Variants in CYSLTR2 observed in about 807,000 individuals in gnomAD.
CYSLTR2 encodes cysteinyl leukotriene receptor 2.
For missense variants in CYSLTR2, 398 were observed against 411.9 expected (o/e 0.97, Z 0.29); for synonymous variants, 179 against 160.8 (o/e 1.11, Z -0.86).
intron 1 of CYSLTR2, among the ~76,000 whole-genome samples, chr13:48,670,117 A>C (rs1953382591): frequency 6.6e-6 from 1 of 152,038 alleles, no homozygotes; most frequent in African/African-American, 2.4e-5. Context: ...CCACTTTTTG[A>C]TGGGGTTTTT....
intron 3 of CYSLTR2, among the ~76,000 whole-genome samples, chr13:48,693,947 C>T (rs1954100288): frequency 6.6e-6 from 1 of 152,180 alleles, no homozygotes; most frequent in South Asian, 2.1e-4. Context: ...TCCAGATTGT[C>T]CTTGGTGAAA....
At chr13:48,687,148 C>G (rs370676865) in intron 1 of CYSLTR2, among the ~76,000 whole-genome samples, 81 of 152,208 alleles carry the variant, frequency 5.3e-4, no homozygotes, top group Non-Finnish European at 7.4e-4. Flanking sequence ...GGGCTTTCAC[C>G]AGTGGGCCCC....
At chr13:48,705,955 T>C (rs1239827933) in intron 4 of CYSLTR2, among the ~76,000 whole-genome samples, 1 of 151,208 alleles carries the variant, frequency 6.6e-6, no homozygotes, top group Non-Finnish European at 1.5e-5. Flanking sequence ...AGAACTTCCT[T>C]TAGTCATTCT....
intron 4 of CYSLTR2, among the ~76,000 whole-genome samples, chr13:48,704,245 C>G (rs1329502889): frequency 6.6e-6 from 1 of 152,072 alleles, no homozygotes; most frequent in African/African-American, 2.4e-5. Flanking sequence ...AGTTACCTGG[C>G]CAGGCATGGT....
intron 4 of CYSLTR2, among the ~76,000 whole-genome samples, chr13:48,701,630 C>T (rs1954349457): frequency 6.6e-6 from 1 of 152,186 alleles, no homozygotes; most frequent in Admixed American, 6.5e-5. Flanking sequence ...CAAAAGAAGA[C>T]ATTTATGCAA....
At chr13:48,695,224 G>A (rs552911482) in intron 3 of CYSLTR2, among the ~76,000 whole-genome samples, 24 of 151,356 alleles carry the variant, frequency 1.6e-4, no homozygotes, top group Admixed American at 4.6e-4. Flanking sequence ...ACAGGCATGC[G>A]CCACCACGCC....
rs935989413 is a variant in CYSLTR2, at chr13:48,710,995, A to G, written c.*3137A>G. 2.0e-5 allele frequency: 3 copies of G among 152,168 alleles called. No homozygotes were observed. Among genetic ancestry groups the G allele is most frequent in the Non-Finnish European group, 4.4e-5 (3 of 68,032 alleles). 9.4% of individuals were successfully genotyped at this position (152,168 alleles called of 1,614,324 possible). The stretch of plus-strand genomic sequence containing the variant: ...CATATTCTATCACAGAAAATGCATA[A>G]TAACTAAATCTGGAAAATGATGAAT... On this transcript the variant is annotated 3_prime_UTR_variant, in exon 5 of 5. Transcript: ENST00000682523.
intron 1 of CYSLTR2, among the ~76,000 whole-genome samples, chr13:48,664,489 A>G (rs1419260159): frequency 6.6e-6 from 1 of 151,800 alleles, no homozygotes; most frequent in African/African-American, 2.4e-5. Flanking sequence ...TTTATTACTG[A>G]TTCAATCTTA....
chr13:48,697,822 A>T (rs925649803), intron 4 of CYSLTR2, among the ~76,000 whole-genome samples: 2 of 152,194 alleles, frequency 1.3e-5, no homozygotes, highest in African/African-American at 4.8e-5. Flanking sequence ...GAAGTCCTTA[A>T]ATGACCTGAT....
chr13:48,673,489 A>C (rs1361996320), intron 1 of CYSLTR2, among the ~76,000 whole-genome samples: 3 of 98,504 alleles, frequency 3.0e-5, no homozygotes, highest in African/African-American at 1.3e-4. Context: ...ATATTCCTTC[A>C]TCCCTTTAGT....
At chr13:48,662,092 T>C (rs1317230790) in intron 1 of CYSLTR2, among the ~76,000 whole-genome samples, 2 of 152,212 alleles carry the variant, frequency 1.3e-5, no homozygotes, top group Admixed American at 1.3e-4. Context: ...AGTGAGAACA[T>C]ATGGTGTTTG....
In CYSLTR2 at chr13:48,707,160, T is replaced by A; in HGVS notation, c.343T>A (p.Ser115Thr). 6.2e-7 allele frequency: 1 copy of A among 1,614,168 alleles called. No homozygotes were observed. The highest frequency in any genetic ancestry group is 8.5e-7 in the Non-Finnish European group (1 of 1,180,006). ...IFGDLACRIM[S>T]YSLYVNMYSS... ...TGGAGACCTGGCCTGCAGGATTATG[T>A]CTTATTCCTTGTATGTCAACATGTA... The change falls in exon 5 of 5, where the codon TCT becomes ACT. Residue 115 changes from serine to threonine, a missense_variant. Coordinates refer to ENST00000682523, the MANE Select transcript of CYSLTR2 (RefSeq NM_001308476.3).
At chr13:48,700,706 AG>A (rs1403139770) in intron 4 of CYSLTR2, among the ~76,000 whole-genome samples, 3 of 152,350 alleles carry the variant, frequency 2.0e-5, no homozygotes, top group African/African-American at 4.8e-5. Context: ...GTATTAAATT[AG>A]GAAAAGAGGA....
chr13:48,685,785 C>T (rs529013930), intron 1 of CYSLTR2, among the ~76,000 whole-genome samples: 2 of 152,202 alleles, frequency 1.3e-5, no homozygotes, highest in South Asian at 2.1e-4. Context: ...ATCATCATTC[C>T]CCCAAGTCTG....
intron 1 of CYSLTR2, among the ~76,000 whole-genome samples, chr13:48,689,169 T>C (rs1414033624): frequency 1.3e-5 from 2 of 152,244 alleles, no homozygotes; most frequent in African/African-American, 4.8e-5. Flanking sequence ...CTTTGTCAGA[T>C]GGATAAATTG....
rs898878832 is a variant in CYSLTR2, at chr13:48,710,773, G to A, written c.*2915G>A. 1 of 152,222 alleles carries A rather than the reference G, an allele frequency of 6.6e-6. No homozygotes were observed. The highest frequency in any genetic ancestry group is 1.9e-4 in the East Asian group (1 of 5,202). The allele number at this position is 152,222 out of a possible 1,614,324, so 9.4% of individuals were successfully genotyped here. On this transcript the variant is annotated 3_prime_UTR_variant, in exon 5 of 5. Coordinates refer to ENST00000682523, the MANE Select transcript of CYSLTR2 (RefSeq NM_001308476.3). ...AATTTGTGGGTGGAAGACATGAACA[G>A]AAATGTGTTCCAATTGACAGCAATC...
At position 48,711,014 on chromosome 13, in the gene CYSLTR2, G is replaced by A. The variant is rs568779175; in HGVS notation, c.*3156G>A. The A allele has an allele frequency of 9.2e-5, 14 of 152,030 alleles. No homozygotes were observed. Among genetic ancestry groups the A allele is most frequent in the African/African-American group, 3.4e-4 (14 of 41,408 alleles). 9.4% of individuals were successfully genotyped at this position (152,030 alleles called of 1,614,324 possible). ...TGCATAATAACTAAATCTGGAAAAT[G>A]ATGAATAGCTGTACAACCATATTAT... On this transcript the variant is annotated 3_prime_UTR_variant, in exon 5 of 5. Transcript: ENST00000682523.
chr13:48,676,068 C>T (rs541801020), intron 1 of CYSLTR2, among the ~76,000 whole-genome samples: 35 of 152,352 alleles, frequency 2.3e-4, no homozygotes, highest in African/African-American at 7.7e-4. Flanking sequence ...TTACTGGGAG[C>T]TGCAAACCGG....
chr13:48,688,204 T>C (rs1346122588), intron 1 of CYSLTR2, among the ~76,000 whole-genome samples: 2 of 152,216 alleles, frequency 1.3e-5, no homozygotes, highest in Non-Finnish European at 1.5e-5. Context: ...TGCCTCAGCT[T>C]CCCAAGTATC....
Sources: gnomAD v4.1 joint callset for allele counts (sites outside exome capture counted in the v4.1 genomes callset) on GRCh38, gnomAD v4.1.1 for gene constraint, MANE v1.5 for transcripts, NCBI Gene and HGNC (gene_info 2026-07-23, HGNC 2026-07-21) for gene names.